The following TMEM132D variants were observed in gnomAD, a reference collection of about 807,000 sequenced individuals.
TMEM132D encodes transmembrane protein 132D.
A neutral mutation model predicts 62.3 loss-of-function variants in TMEM132D; 21 were observed. The observed-to-expected ratio is 0.34, with a 90% CI of 0.24 to 0.49. The LOEUF (loss-of-function observed/expected upper bound fraction) is 0.49, where lower values mean the gene tolerates loss of function less well. Among genes scored for constraint, TMEM132D ranks in the 20% least tolerant of loss-of-function variants. The pLI is 0.99. For missense variants in TMEM132D, 1,346 were observed against 1,402.8 expected (o/e 0.96, Z 0.65); for synonymous variants, 621 against 575.6 (o/e 1.08, Z -1.13).
intron 4 of TMEM132D, among the ~76,000 whole-genome samples, chr12:129,244,491 G>A (rs548981677): frequency 4.0e-5 from 6 of 151,074 alleles, no homozygotes; most frequent in African/African-American, 9.7e-5. Flanking sequence ...CAATGCTTAC[G>A]CTATGGCTAG....
At chr12:129,823,814 T>C (rs1428345762) in intron 1 of TMEM132D, among the ~76,000 whole-genome samples, 1 of 152,242 alleles carries the variant, frequency 6.6e-6, no homozygotes, top group Non-Finnish European at 1.5e-5. Flanking sequence ...ACCTATCTTA[T>C]AGGGCTTAAT....
At chr12:129,319,626 C>A (rs1030976304) in intron 4 of TMEM132D, among the ~76,000 whole-genome samples, 10 of 152,150 alleles carry the variant, frequency 6.6e-5, no homozygotes, top group African/African-American at 2.2e-4. Flanking sequence ...GGCAGAAAAT[C>A]TGGACTGTTC....
intron 1 of TMEM132D, among the ~76,000 whole-genome samples, chr12:129,851,704 A>G (rs1374382745): frequency 6.6e-6 from 1 of 152,192 alleles, no homozygotes; most frequent in Non-Finnish European, 1.5e-5. Context: ...CATGCTGCAC[A>G]CTGCAAAACT....
chr12:129,167,514 G>A (rs920337959), intron 5 of TMEM132D, among the ~76,000 whole-genome samples: 1 of 152,102 alleles, frequency 6.6e-6, no homozygotes, highest in Non-Finnish European at 1.5e-5. Flanking sequence ...GGAGTGACAG[G>A]AGTCAGGGGC....
intron 4 of TMEM132D, among the ~76,000 whole-genome samples, chr12:129,319,918 C>T (rs1868626690): frequency 6.6e-6 from 1 of 152,154 alleles, no homozygotes; most frequent in African/African-American, 2.4e-5. Context: ...TTTCAACAGG[C>T]TACAATGATG....
At chr12:129,386,634 C>G (rs1871112468) in intron 3 of TMEM132D, among the ~76,000 whole-genome samples, 1 of 151,610 alleles carries the variant, frequency 6.6e-6, no homozygotes, top group Non-Finnish European at 1.5e-5. Flanking sequence ...CTAACAGTAT[C>G]ACTAGTCATA....
At chr12:129,096,641 TGA>T (rs1688651114) in intron 5 of TMEM132D, among the ~76,000 whole-genome samples, 1 of 152,156 alleles carries the variant, frequency 6.6e-6, no homozygotes. Flanking sequence ...TCCTTGAGGC[TGA>T]GTGACAGTGC....
chr12:129,242,287 A>C (rs75008044), intron 4 of TMEM132D, among the ~76,000 whole-genome samples: 3,659 of 152,314 alleles, frequency 0.024, 151 homozygotes, highest in African/African-American at 0.084. Context: ...AGAGGAGCAA[A>C]GTTGTAGAAG....
At chr12:129,643,073 C>A (rs1245308104) in intron 2 of TMEM132D, among the ~76,000 whole-genome samples, 1 of 151,920 alleles carries the variant, frequency 6.6e-6, no homozygotes, top group Admixed American at 6.6e-5. Flanking sequence ...TACAGGCACA[C>A]TCCACCACGC....
At chr12:129,207,299 C>T (rs531509570) in intron 5 of TMEM132D, among the ~76,000 whole-genome samples, 204 of 151,014 alleles carry the variant, frequency 1.4e-3, no homozygotes, top group Non-Finnish European at 1.8e-3. Flanking sequence ...GACAGTCAGA[C>T]GATGAATACA....
At chr12:129,532,774 A>G (rs1876265645) in intron 2 of TMEM132D, among the ~76,000 whole-genome samples, 1 of 152,156 alleles carries the variant, frequency 6.6e-6, no homozygotes, top group Non-Finnish European at 1.5e-5. Context: ...AGCAATCCCC[A>G]GTGAAAACCC....
intron 2 of TMEM132D, among the ~76,000 whole-genome samples, chr12:129,644,019 T>C (rs1354020957): frequency 6.6e-6 from 1 of 152,082 alleles, no homozygotes; most frequent in Non-Finnish European, 1.5e-5. Context: ...CAGGCCCAGC[T>C]AATTTTTGTA....
chr12:129,655,634 C>T (rs1444572964), intron 2 of TMEM132D, among the ~76,000 whole-genome samples: 2 of 152,082 alleles, frequency 1.3e-5, no homozygotes, highest in South Asian at 2.1e-4. Context: ...CTAAGGCCAC[C>T]GAGAGGTGAC....
chr12:129,339,820 T>G (rs926807210), intron 3 of TMEM132D, among the ~76,000 whole-genome samples: 3 of 152,218 alleles, frequency 2.0e-5, no homozygotes, highest in African/African-American at 7.2e-5. Flanking sequence ...TATAACAGAA[T>G]TAGCATTACT....
chr12:129,588,530 A>C (rs11060453), intron 2 of TMEM132D, among the ~76,000 whole-genome samples: 176 of 152,254 alleles, frequency 1.2e-3, no homozygotes, highest in African/African-American at 4.0e-3. Context: ...GAGAAGGTGG[A>C]TGAAAGGTGA....
intron 1 of TMEM132D, among the ~76,000 whole-genome samples, chr12:129,896,242 C>T (rs923094046): frequency 2.0e-5 from 3 of 152,008 alleles, no homozygotes; most frequent in Non-Finnish European, 4.4e-5. Flanking sequence ...CCCACCTGGG[C>T]CCCCCAAAGA....
At chr12:129,205,016 T>G (rs147738358) in intron 5 of TMEM132D, among the ~76,000 whole-genome samples, 1 of 152,318 alleles carries the variant, frequency 6.6e-6, no homozygotes, top group East Asian at 1.9e-4. Flanking sequence ...CAAGAGGTCC[T>G]GAAAGGAGCA....
rs182089703 is a variant in TMEM132D, at chr12:129,447,264, A to G, written c.1115+83795T>C. ...TCTATCTCAGGAAATTGTCTAGGTC[A>G]GTCTTCTCACTTCAGTCATTGTAAC... On this transcript the variant is annotated intron_variant, in intron 3 of 8. Coordinates refer to ENST00000422113, the MANE Select transcript of TMEM132D (RefSeq NM_133448.3). 3.0e-3 allele frequency among the ~76,000 whole-genome samples: 460 copies of G among 152,316 alleles called. 4 individuals are homozygous for G. Among genetic ancestry groups the G allele is most frequent in the Non-Finnish European group, 2.6e-3 (177 of 68,032 alleles).
intron 4 of TMEM132D, among the ~76,000 whole-genome samples, chr12:129,254,571 TA>T (rs1880353253): frequency 6.6e-6 from 1 of 152,128 alleles, no homozygotes. Flanking sequence ...GGGAGAGTAT[TA>T]AATGAGATTA....
Sources: gnomAD v4.1 joint callset for allele counts (sites outside exome capture counted in the v4.1 genomes callset) on GRCh38, gnomAD v4.1.1 for gene constraint, MANE v1.5 for transcripts, NCBI Gene and HGNC (gene_info 2026-07-23, HGNC 2026-07-21) for gene names.